RTKN2: variants seen among roughly 807,000 people sequenced by gnomAD.
RTKN2 encodes the protein rhotekin-2.
A neutral mutation model predicts 71.5 loss-of-function variants in RTKN2; 69 were observed. The observed-to-expected ratio is 0.96, with a 90% CI of 0.79 to 1.18. RTKN2 has a LOEUF of 1.18. RTKN2 is among the 50% of genes most tolerant of loss of function. The pLI, the probability that RTKN2 is intolerant of heterozygous loss-of-function variation, is 0.00. For missense variants in RTKN2, 724 were observed against 719.7 expected (o/e 1.01, Z -0.07); for synonymous variants, 236 against 236.5 (o/e 1.00, Z 0.02).
At chr10:62,265,858 A>G (rs774898028) in intron 1 of RTKN2, among the ~76,000 whole-genome samples, 1 of 152,212 alleles carries the variant, frequency 6.6e-6, no homozygotes, top group Non-Finnish European at 1.5e-5. Context: ...AGTGATGTTT[A>G]TTAACCTCAA....
chr10:62,265,011 A>G (rs1287867436), intron 1 of RTKN2, among the ~76,000 whole-genome samples: 1 of 152,160 alleles, frequency 6.6e-6, no homozygotes, highest in East Asian at 1.9e-4. Context: ...ACATAAATGA[A>G]GAGTATCTTC....
intron 10 of RTKN2, among the ~76,000 whole-genome samples, chr10:62,203,852 T>C (rs1230745117): frequency 6.6e-6 from 1 of 152,218 alleles, no homozygotes. Flanking sequence ...AGGGAAATAA[T>C]TTCTACCTCG....
chr10:62,220,025 G>A (rs890010681), intron 7 of RTKN2, among the ~76,000 whole-genome samples: 4 of 152,088 alleles, frequency 2.6e-5, no homozygotes, highest in Non-Finnish European at 5.9e-5. Context: ...TAAAGTTTTG[G>A]CTGTGCCCTG....
chr10:62,249,622 A>T (rs1471291542), intron 2 of RTKN2, among the ~76,000 whole-genome samples: 2 of 152,152 alleles, frequency 1.3e-5, no homozygotes, highest in East Asian at 3.8e-4. Flanking sequence ...GTAGATAGGG[A>T]TTCTAAAGTC....
At chr10:62,239,934 C>A (rs1842339230) in intron 4 of RTKN2, among the ~76,000 whole-genome samples, 169 bp from the exon 5 acceptor site, 1 of 151,996 alleles carries the variant, frequency 6.6e-6, no homozygotes, top group South Asian at 2.1e-4. Context: ...TATAGGAATA[C>A]CTTACTCAAC....
At chr10:62,204,363 G>T (rs1841505937) in intron 10 of RTKN2, among the ~76,000 whole-genome samples, 1 of 152,094 alleles carries the variant, frequency 6.6e-6, no homozygotes, top group African/African-American at 2.4e-5. Context: ...GTATTATTGA[G>T]ATGAGAAAAT....
intron 4 of RTKN2, among the ~76,000 whole-genome samples, chr10:62,240,672 C>T (rs777752320): frequency 1.3e-5 from 2 of 151,182 alleles, no homozygotes; most frequent in African/African-American, 2.4e-5. Context: ...AAGCAATACA[C>T]GGATTTGTAA....
downstream of RTKN2, among the ~76,000 whole-genome samples, chr10:62,189,058 C>CTT (rs34303718): frequency 0.063 from 8,495 of 135,560 alleles, 862 homozygotes; most frequent in African/African-American, 0.21. Context: ...ATATTTCCTA[C>CTT]TTTTTTTTTT....
downstream of RTKN2, among the ~76,000 whole-genome samples, chr10:62,188,384 C>T (rs1474234746): frequency 6.6e-6 from 1 of 152,184 alleles, no homozygotes; most frequent in Non-Finnish European, 1.5e-5. Flanking sequence ...GGTGTGCTAT[C>T]TTCTTATGAC....
chr10:62,195,447 G>T lies in RTKN2; in HGVS notation c.*2461C>A. The T allele has an allele frequency of 1.0e-6, 1 of 977,498 alleles. No homozygotes were observed. Among genetic ancestry groups the T allele is most frequent in the Non-Finnish European group, 1.2e-6 (1 of 823,202 alleles). 60.6% of individuals were successfully genotyped at this position (977,498 alleles called of 1,614,324 possible). A position where few individuals can be genotyped will look rare whatever the true frequency, so the allele number is the denominator to read the frequency against. On this transcript the variant is annotated 3_prime_UTR_variant, in exon 12 of 12. Coordinates refer to ENST00000373789, the MANE Select transcript of RTKN2 (RefSeq NM_145307.4). ...TTGACACAGTGCTTAACTATTTTTA[G>T]ATTTTTTTTTTAAACTGTAAAGGAA...
intron 6 of RTKN2, among the ~76,000 whole-genome samples, chr10:62,231,072 T>C (rs1019725479): frequency 3.3e-5 from 5 of 152,164 alleles, no homozygotes; most frequent in African/African-American, 9.6e-5. Flanking sequence ...AAATAATCCA[T>C]GTATTCTGAA....
At chr10:62,251,161 T>C (rs1842573740) in intron 2 of RTKN2, among the ~76,000 whole-genome samples, 1 of 152,196 alleles carries the variant, frequency 6.6e-6, no homozygotes, top group Non-Finnish European at 1.5e-5. Flanking sequence ...GCCTATGACA[T>C]TCATCTCATT....
intron 1 of RTKN2, among the ~76,000 whole-genome samples, chr10:62,263,097 G>A (rs1233829839): frequency 6.6e-6 from 1 of 152,144 alleles, no homozygotes; most frequent in Non-Finnish European, 1.5e-5. Flanking sequence ...AAGTTTAATA[G>A]CATCCCTCCA....
chr10:62,252,957 A>G (rs1842609547), intron 2 of RTKN2, among the ~76,000 whole-genome samples: 1 of 152,142 alleles, frequency 6.6e-6, no homozygotes, highest in Non-Finnish European at 1.5e-5. Context: ...ACTAATTATA[A>G]TACACACAGT....
At chr10:62,199,202 T>C (rs1841390689) in intron 11 of RTKN2, among the ~76,000 whole-genome samples, 2 of 152,198 alleles carry the variant, frequency 1.3e-5, no homozygotes, top group Non-Finnish European at 2.9e-5. Context: ...CTTGCACTTG[T>C]TCACAACATT....
Position 62,194,915 on chromosome 10 carries a change from G to A in RTKN2, c.*2993C>T. The A allele has an allele frequency of 1.0e-6, 1 of 985,294 alleles. No homozygotes were observed. The highest frequency in any genetic ancestry group is 1.2e-6 in the Non-Finnish European group (1 of 829,838). 61.0% of individuals were successfully genotyped at this position (985,294 alleles called of 1,614,324 possible). A position where few individuals can be genotyped will look rare whatever the true frequency, so the allele number is the denominator to read the frequency against. On this transcript the variant is annotated 3_prime_UTR_variant, in exon 12 of 12. Coordinates refer to ENST00000373789, the MANE Select transcript of RTKN2 (RefSeq NM_145307.4). ...ATATATTCACATCCATTTAAAAGAA[G>A]TCAGGGGGCACTGCAGACAGTTAAG...
chr10:62,235,914 T>C (rs1365750027), intron 6 of RTKN2, 152 bp downstream of exon 6: 3 of 611,826 alleles, frequency 4.9e-6, no homozygotes, highest in African/African-American at 1.9e-5. Context: ...GTATTAAGGA[T>C]ACCTCAGTTG....
chr10:62,211,057 T>C (rs1841649414), intron 9 of RTKN2, among the ~76,000 whole-genome samples: 2 of 152,326 alleles, frequency 1.3e-5, no homozygotes, highest in East Asian at 3.9e-4. Flanking sequence ...ATGAATGATG[T>C]ATATAATATT....
intron 2 of RTKN2, among the ~76,000 whole-genome samples, chr10:62,256,247 T>A (rs1842673134): frequency 6.6e-6 from 1 of 152,166 alleles, no homozygotes; most frequent in Non-Finnish European, 1.5e-5. Context: ...GGTCTTGAAC[T>A]CCTGGGCTAC....
Sources: gnomAD v4.1 joint callset for allele counts (sites outside exome capture counted in the v4.1 genomes callset) on GRCh38, gnomAD v4.1.1 for gene constraint, MANE v1.5 for transcripts, NCBI Gene and HGNC (gene_info 2026-07-23, HGNC 2026-07-21) for gene names.